Variants in C12orf42 observed in about 807,000 individuals in gnomAD.
C12orf42 encodes the protein chromosome 12 open reading frame 42.
A neutral mutation model predicts 21.6 loss-of-function variants in C12orf42; 25 were observed. That is an observed-to-expected ratio of 1.16 (90% CI 0.84 to 1.62). The LOEUF is 1.62. Ranked by LOEUF, C12orf42 falls within the 40% of genes most tolerant of loss-of-function variation. The probability of loss-of-function intolerance (pLI) is 0.00; values close to 1 mark genes in which losing one functional copy is unlikely to be tolerated. For missense variants in C12orf42, 483 were observed against 459.3 expected (o/e 1.05, Z -0.47); for synonymous variants, 174 against 175.0 (o/e 0.99, Z 0.05).
intron 2 of C12orf42, chr12:103,472,147 C>G (rs1173596604): frequency 6.7e-6 from 1 of 148,302 alleles, no homozygotes; most frequent in Non-Finnish European, 1.5e-5. Context: ...CTCCGCCTCC[C>G]GGGTTCACGC....
At chr12:103,128,340 C>T in the C12orf42 span, among the ~76,000 whole-genome samples, 6 of 152,302 alleles carry the variant, frequency 3.9e-5, no homozygotes, top group South Asian at 4.1e-4. Flanking sequence ...CTTTCCTGCC[C>T]TGCACCTGGC....
Position 103,306,430 on chromosome 12 carries a change from T to C in C12orf42, c.260-85A>G, listed in dbSNP as rs59234891. The C allele has an allele frequency of 1.7e-3, 2,429 of 1,438,118 alleles. 27 individuals are homozygous for C. The African/African-American group carries it at 0.031, about 19-fold the overall frequency. 89.1% of individuals were successfully genotyped at this position (1,438,118 alleles called of 1,614,324 possible). A position where few individuals can be genotyped will look rare whatever the true frequency, so the allele number is the denominator to read the frequency against. On this transcript the variant is annotated intron_variant, in intron 4 of 5. Coordinates refer to ENST00000548883, the MANE Select transcript of C12orf42 (RefSeq NM_198521.5). Reference sequence around the variant, plus strand: ...GCAGGAAGGATGGAGTCAGGTAATATGTAAACTTTTGGTTGTTTTGTGTTT... The same window carrying C: ...GCAGGAAGGATGGAGTCAGGTAATACGTAAACTTTTGGTTGTTTTGTGTTT...
chr12:103,115,208 C>T, the C12orf42 span, among the ~76,000 whole-genome samples: 1 of 152,318 alleles, frequency 6.6e-6, no homozygotes, highest in East Asian at 1.9e-4. Flanking sequence ...GCAATAAATG[C>T]TCTCAAATTG....
chr12:103,255,092 G>A (rs139082837), intron 10 of C12orf42, among the ~76,000 whole-genome samples: 2,309 of 152,108 alleles, frequency 0.015, 26 homozygotes, highest in Non-Finnish European at 0.023. Context: ...GAATATGTGG[G>A]CCGGGCATGA....
At chr12:103,225,750 A>C in the C12orf42 span, among the ~76,000 whole-genome samples, 1 of 152,198 alleles carries the variant, frequency 6.6e-6, no homozygotes, top group Admixed American at 6.5e-5. Context: ...GAGGTTTAGA[A>C]GCCTGACCAT....
At chr12:103,245,797 G>C (rs780068256) in intron 10 of C12orf42, among the ~76,000 whole-genome samples, 3 of 152,168 alleles carry the variant, frequency 2.0e-5, no homozygotes, top group Middle Eastern at 3.4e-3. Flanking sequence ...TATGGGACAC[G>C]TATACACCTA....
the C12orf42 span, among the ~76,000 whole-genome samples, chr12:103,167,524 C>G: frequency 6.6e-6 from 1 of 152,176 alleles, no homozygotes; most frequent in South Asian, 2.1e-4. Context: ...TATCTCTTAA[C>G]AGCTCCCTCA....
chr12:103,218,887 G>A, the C12orf42 span, among the ~76,000 whole-genome samples: 12 of 152,292 alleles, frequency 7.9e-5, no homozygotes, highest in South Asian at 2.5e-3. Context: ...CATTTGAATT[G>A]TTACCACAAC....
intron 2 of C12orf42, among the ~76,000 whole-genome samples, chr12:103,441,766 G>A (rs1951262925): frequency 6.6e-6 from 1 of 152,166 alleles, no homozygotes; most frequent in Admixed American, 6.5e-5. Flanking sequence ...TCAAATGACA[G>A]AAACTTCTCT....
At chr12:103,153,920 A>G in the C12orf42 span, among the ~76,000 whole-genome samples, 6 of 151,460 alleles carry the variant, frequency 4.0e-5, no homozygotes, top group Non-Finnish European at 7.4e-5. Flanking sequence ...CTCCATCAAC[A>G]GCAGAATGAA....
chr12:103,175,968 A>G, the C12orf42 span, among the ~76,000 whole-genome samples: 1 of 152,156 alleles, frequency 6.6e-6, no homozygotes, highest in Admixed American at 6.5e-5. Context: ...GACACTGGAC[A>G]CTGATCCTCC....
In C12orf42 at chr12:103,306,267, G is replaced by C; in HGVS notation, c.338C>G (p.Ser113Cys). 1.2e-6 allele frequency: 2 copies of C among 1,613,774 alleles called. No individual in the cohort carries two copies. The highest frequency in any genetic ancestry group is 1.7e-6 in the Non-Finnish European group (2 of 1,179,812). ...HTCQYIVPRC[S>C]VSTVSFDEES... ...TTCATCAAAAGAAACTGTGCTTACA[G>C]AACACCTGGGGACTATGTACTGGCA... Residue 113 changes from serine (S) to cysteine (C), a missense_variant, in exon 5 of 6, where the codon TCT becomes TGT. Transcript: ENST00000548883.
At chr12:103,421,017 A>G (rs917443399) in intron 2 of C12orf42, among the ~76,000 whole-genome samples, 11 of 152,206 alleles carry the variant, frequency 7.2e-5, no homozygotes, top group African/African-American at 2.2e-4. Context: ...TTTATTGTAC[A>G]ACTTACTCAC....
intron 10 of C12orf42, among the ~76,000 whole-genome samples, chr12:103,251,753 A>G (rs1470601295): frequency 6.6e-6 from 1 of 152,176 alleles, no homozygotes; most frequent in African/African-American, 2.4e-5. Flanking sequence ...TTTCATATAT[A>G]TCAATTAATC....
intron 5 of C12orf42, among the ~76,000 whole-genome samples, chr12:103,303,806 T>C (rs145450009): frequency 6.6e-6 from 1 of 152,348 alleles, no homozygotes; most frequent in African/African-American, 2.4e-5. Context: ...GGCATTTTAA[T>C]ATCTCCAAGT....
At chr12:103,310,610 C>T (rs886731802) in intron 4 of C12orf42, among the ~76,000 whole-genome samples, 9 of 152,224 alleles carry the variant, frequency 5.9e-5, no homozygotes, top group Admixed American at 3.9e-4. Context: ...CAATTACCTC[C>T]TTTCATAGAA....
chr12:103,345,935 G>A (rs1268949458), intron 4 of C12orf42, among the ~76,000 whole-genome samples: 1 of 152,146 alleles, frequency 6.6e-6, no homozygotes, highest in Non-Finnish European at 1.5e-5. Context: ...AGCCTTCAAA[G>A]CAATGATAAG....
chr12:103,253,517 T>A (rs1593215799), intron 10 of C12orf42, among the ~76,000 whole-genome samples: 1 of 152,292 alleles, frequency 6.6e-6, no homozygotes, highest in South Asian at 2.1e-4. Context: ...GAAGAGGTCC[T>A]TCATGTCCCT....
At chr12:103,079,164 GTAATTTTA>G in the C12orf42 span, among the ~76,000 whole-genome samples, 2,862 of 152,224 alleles carry the variant, frequency 0.019, 45 homozygotes, top group Non-Finnish European at 0.028. Flanking sequence ...ATTACATCAT[GTAATTTTA>G]TAGATTAAGG....
Sources: gnomAD v4.1 joint callset for allele counts (sites outside exome capture counted in the v4.1 genomes callset) on GRCh38, gnomAD v4.1.1 for gene constraint, MANE v1.5 for transcripts, NCBI Gene and HGNC (gene_info 2026-07-23, HGNC 2026-07-21) for gene names.